The following ANO10 variants were observed in gnomAD, a reference collection of about 807,000 sequenced individuals.
The protein encoded by ANO10 is anoctamin-10.
ANO10 carries 77 observed loss-of-function variants against 74.7 expected under a neutral mutation model. The ratio of observed to expected loss-of-function variants is 1.03; its 90% CI spans 0.86 to 1.25. The LOEUF is 1.25. Among genes scored for constraint, ANO10 ranks in the 50% most tolerant of loss-of-function variants. The pLI, the probability that ANO10 is intolerant of heterozygous loss-of-function variation, is 0.00. For synonymous variants in ANO10, 279 were observed against 284.9 expected, an observed-to-expected ratio of 0.98 and a Z score of 0.21; for missense variants, 721 against 778.1, an observed-to-expected ratio of 0.93 and a Z score of 0.87.
intron 12 of ANO10, among the ~76,000 whole-genome samples, chr3:43,384,087 T>G (rs1351072485): frequency 1.3e-5 from 2 of 151,816 alleles, no homozygotes; most frequent in Admixed American, 6.6e-5. Flanking sequence ...GATACAAAAT[T>G]AATGTACACA....
chr3:43,550,358 A>T (rs189332888), intron 10 of ANO10, among the ~76,000 whole-genome samples: 1 of 152,320 alleles, frequency 6.6e-6, no homozygotes, highest in Admixed American at 6.5e-5. Flanking sequence ...CAAATGTAGA[A>T]CTTTAGAAAA....
intron 1 of ANO10, among the ~76,000 whole-genome samples, chr3:43,689,133 A>G (rs1195430572): frequency 6.6e-6 from 1 of 152,160 alleles, no homozygotes; most frequent in African/African-American, 2.4e-5. Context: ...CATTCATGAG[A>G]AATTCACCCC....
At chr3:43,432,801 G>T in intron 11 of ANO10, 74 bp from the exon 12 acceptor site, 3 of 990,446 alleles carry the variant, frequency 3.0e-6, no homozygotes, top group Non-Finnish European at 4.9e-6. Flanking sequence ...TGATATCTAA[G>T]CAATCTAGGA....
rs2082199507 is a variant in ANO10 at position 43,598,629 on chromosome 3, T to C, written c.375A>G (p.Gln125=). Reference sequence around the variant, plus strand: ...TTTCAAGTTCATGTTTGATAATGAATTGACATTCTGCCATTGTCAGGAAAT... The same window carrying C: ...TTTCAAGTTCATGTTTGATAATGAACTGACATTCTGCCATTGTCAGGAAAT... ...NDDFLTMAEC[Q]FIIKHELENL... The change falls in exon 4 of 13, where the codon CAA becomes CAG. Residue 125 remains glutamine, a synonymous_variant. Transcript: ENST00000292246. The C allele has an allele frequency of 1.9e-6, 3 of 1,610,482 alleles. No homozygotes were observed. Among genetic ancestry groups the C allele is most frequent in the Non-Finnish European group, 2.5e-6 (3 of 1,178,108 alleles).
In ANO10 at chr3:43,548,006, G is replaced by A. The variant is rs183918277; in HGVS notation, c.1797+1714C>T. On this transcript the variant is annotated intron_variant, in intron 11 of 12. Transcript: ENST00000292246. The stretch of plus-strand genomic sequence containing the variant: ...TAGGGATGGTTTTCAGGTTTTCTGC[G>A]TATTTCAGGATATTACACCACTCCT... 4.1e-4 allele frequency among the ~76,000 whole-genome samples: 62 copies of A among 152,230 alleles called. 1 individual carries two copies. The highest frequency in any genetic ancestry group is 1.4e-3 in the African/African-American group (58 of 41,534).
intron 11 of ANO10, among the ~76,000 whole-genome samples, chr3:43,480,886 T>C (rs1169479932): frequency 6.6e-6 from 1 of 152,042 alleles, no homozygotes; most frequent in Non-Finnish European, 1.5e-5. Context: ...TCAACTCAAT[T>C]ATGCTTAAGG....
At chr3:43,525,737 C>G (rs570711892) in intron 11 of ANO10, among the ~76,000 whole-genome samples, 1 of 152,318 alleles carries the variant, frequency 6.6e-6, no homozygotes, top group East Asian at 1.9e-4. Context: ...GTGAAGGGAG[C>G]TGATGCATTT....
At chr3:43,505,400 T>C (rs1340417513) in intron 11 of ANO10, among the ~76,000 whole-genome samples, 1 of 152,214 alleles carries the variant, frequency 6.6e-6, no homozygotes, top group Non-Finnish European at 1.5e-5. Context: ...ATAGGCTGGA[T>C]TCCCCCAACA....
chr3:43,493,878 G>A (rs1377556943), intron 11 of ANO10, among the ~76,000 whole-genome samples: 2 of 152,082 alleles, frequency 1.3e-5, no homozygotes, highest in Admixed American at 6.5e-5. Flanking sequence ...TAGTACTACA[G>A]GCACATACCA....
chr3:43,572,856 C>T (rs62252988), intron 7 of ANO10, among the ~76,000 whole-genome samples: 2,595 of 152,158 alleles, frequency 0.017, 23 homozygotes, highest in Non-Finnish European at 0.027. Context: ...TCAACACGAC[C>T]GCAGGACAGG....
intron 1 of ANO10, among the ~76,000 whole-genome samples, chr3:43,685,770 G>C (rs2084266796): frequency 6.6e-6 from 1 of 152,038 alleles, no homozygotes; most frequent in Non-Finnish European, 1.5e-5. Context: ...TATGGCTTGA[G>C]GGTTTTCTCC....
At chr3:43,450,473 G>A (rs545708731) in intron 11 of ANO10, among the ~76,000 whole-genome samples, 10 of 152,242 alleles carry the variant, frequency 6.6e-5, no homozygotes, top group African/African-American at 1.9e-4. Context: ...CCCAGGAGGC[G>A]GAGGTTGCAG....
chr3:43,407,788 C>G (rs113476514), intron 12 of ANO10, among the ~76,000 whole-genome samples: 3,501 of 152,246 alleles, frequency 0.023, 61 homozygotes, highest in Non-Finnish European at 0.033. Context: ...AACAGGGAAC[C>G]AGCAGGGTGA....
intron 7 of ANO10, among the ~76,000 whole-genome samples, chr3:43,571,832 TAAAA>T (rs372868462): frequency 2.0e-5 from 1 of 49,016 alleles, no homozygotes; most frequent in African/African-American, 6.1e-5. Flanking sequence ...ACTTAAAGTA[TAAAA>T]AAAAAAAAGA....
intron 11 of ANO10, chr3:43,485,364 T>C (rs775162532): frequency 6.4e-6 from 3 of 468,558 alleles, no homozygotes; most frequent in South Asian, 2.0e-5. Context: ...GAGGCGCCCA[T>C]TGCCGCTCCT....
chr3:43,610,444 C>T (rs1318796559), intron 1 of ANO10, among the ~76,000 whole-genome samples: 2 of 152,042 alleles, frequency 1.3e-5, no homozygotes, highest in African/African-American at 2.4e-5. Context: ...GGGTTCATTA[C>T]CATTGTCAGG....
At position 43,577,019 on chromosome 3, in the gene ANO10, T is replaced by C. The variant is rs756986703; in HGVS notation, c.835A>G (p.Arg279Gly). 5 of 1,613,898 alleles carry C rather than the reference T, an allele frequency of 3.1e-6. No homozygotes were observed. The South Asian group carries it at 5.5e-5, about 18-fold the overall frequency. ...TYRWGTLLMK[R>G]KFEEPRPGFH... Reference sequence around the variant, plus strand: ...CCTGGCCGGGGCTCCTCAAACTTTCTCTTCATGAGCAGTGTCCCCCACCTG... The same window carrying C: ...CCTGGCCGGGGCTCCTCAAACTTTCCCTTCATGAGCAGTGTCCCCCACCTG... Residue 279 changes from arginine (R) to glycine (G), a missense_variant, in exon 6 of 13, where the codon AGA becomes GGA. By Grantham distance (125) the Arg-to-Gly change is moderately radical. Transcript: ENST00000292246.
chr3:43,594,579 A>G (rs1441680473), intron 4 of ANO10, among the ~76,000 whole-genome samples: 1 of 152,222 alleles, frequency 6.6e-6, no homozygotes, highest in Non-Finnish European at 1.5e-5. Context: ...TAAAGACACA[A>G]CATACCAGAA....
chr3:43,613,821 AT>A (rs2082953543), intron 1 of ANO10, among the ~76,000 whole-genome samples: 1 of 152,194 alleles, frequency 6.6e-6, no homozygotes, highest in Non-Finnish European at 1.5e-5. Context: ...ACAAAGGTAA[AT>A]AAAGTCTACA....
Sources: gnomAD v4.1 joint callset for allele counts (sites outside exome capture counted in the v4.1 genomes callset) on GRCh38, gnomAD v4.1.1 for gene constraint, MANE v1.5 for transcripts, NCBI Gene and HGNC (gene_info 2026-07-23, HGNC 2026-07-21) for gene names.